The following FBLN5 variants were observed in gnomAD, a reference collection of about 807,000 sequenced individuals.
FBLN5 encodes fibulin-5.
FBLN5 carries 24 observed loss-of-function variants against 61.6 expected under a neutral mutation model. The observed-to-expected ratio is 0.39, with a 90% CI of 0.28 to 0.55. The LOEUF (loss-of-function observed/expected upper bound fraction) is 0.55. FBLN5 is among the 20% of genes least tolerant of loss of function. The pLI is 0.65. For missense variants in FBLN5, 470 were observed against 594.1 expected (o/e 0.79, Z 2.17); for synonymous variants, 213 against 219.8 (o/e 0.97, Z 0.27).
chr14:91,918,413 C>T (rs984158605), intron 4 of FBLN5, among the ~76,000 whole-genome samples: 1 of 152,006 alleles, frequency 6.6e-6, no homozygotes, highest in Non-Finnish European at 1.5e-5. Flanking sequence ...GGACTGGGGG[C>T]GGAAGGAGGA....
chr14:91,932,916 C>T (rs573381706), intron 4 of FBLN5, among the ~76,000 whole-genome samples: 3 of 152,348 alleles, frequency 2.0e-5, no homozygotes, highest in East Asian at 1.9e-4. Flanking sequence ...AACCAACAGA[C>T]AACAGGCTGC....
intron 9 of FBLN5, among the ~76,000 whole-genome samples, chr14:91,880,394 CAA>C (rs983330130): frequency 6.6e-6 from 1 of 152,218 alleles, no homozygotes; most frequent in African/African-American, 2.4e-5. Context: ...GTATCCAGAA[CAA>C]AGTCATTAGA....
intron 4 of FBLN5, among the ~76,000 whole-genome samples, chr14:91,935,843 TAAA>T (rs2056005670): frequency 6.6e-6 from 1 of 152,148 alleles, no homozygotes; most frequent in Non-Finnish European, 1.5e-5. Context: ...ACGTTTAAGG[TAAA>T]CATTAACCAG....
chr14:91,878,541 A>G (rs549856638), intron 9 of FBLN5, among the ~76,000 whole-genome samples: 12 of 152,288 alleles, frequency 7.9e-5, no homozygotes, highest in Non-Finnish European at 1.5e-4. Context: ...CTAGGAGTCA[A>G]CCTTGCTGTG....
At chr14:91,886,502 G>A (rs1889730209) in intron 7 of FBLN5, among the ~76,000 whole-genome samples, 1 of 152,108 alleles carries the variant, frequency 6.6e-6, no homozygotes, top group Non-Finnish European at 1.5e-5. Context: ...TTATAATAGA[G>A]TCCATAAACT....
chr14:91,891,621 T>G (rs913094297), intron 5 of FBLN5, among the ~76,000 whole-genome samples: 9 of 152,212 alleles, frequency 5.9e-5, no homozygotes, highest in Non-Finnish European at 8.8e-5. Context: ...ATTGGGATGT[T>G]GGGCAAAATG....
At chr14:91,917,887 G>T (rs2140018332) in intron 4 of FBLN5, among the ~76,000 whole-genome samples, 1 of 152,314 alleles carries the variant, frequency 6.6e-6, no homozygotes, top group African/African-American at 2.4e-5. Flanking sequence ...CCAGTCTAAA[G>T]TTGCCCTTCT....
At chr14:91,889,739 G>A (rs1379564269) in intron 6 of FBLN5, among the ~76,000 whole-genome samples, 6 of 152,222 alleles carry the variant, frequency 3.9e-5, no homozygotes, top group African/African-American at 1.4e-4. Flanking sequence ...CTGCCCATGG[G>A]CCCTGCTGAT....
intron 5 of FBLN5, among the ~76,000 whole-genome samples, chr14:91,894,422 A>AAAC (rs1555375903): frequency 1.8e-4 from 27 of 146,384 alleles, no homozygotes; most frequent in African/African-American, 6.3e-4. Flanking sequence ...AAAAAAAAAA[A>AAAC]AAAAACCGAA....
At chr14:91,940,664 A>C (rs766835180) in intron 2 of FBLN5, 48 bp from the exon 3 acceptor site, 1 of 1,545,018 alleles carries the variant, frequency 6.5e-7, no homozygotes, top group Non-Finnish European at 8.9e-7. Context: ...TTCACACCAT[A>C]AAAGTCTTAT....
At chr14:91,878,079 T>G in intron 9 of FBLN5, 1 of 408,398 alleles carries the variant, frequency 2.4e-6, no homozygotes, top group South Asian at 1.8e-5. Flanking sequence ...AAAGAAATTT[T>G]TAAAGTAAGA....
At chr14:91,905,380 A>G (rs927988730) in intron 4 of FBLN5, among the ~76,000 whole-genome samples, 3 of 152,126 alleles carry the variant, frequency 2.0e-5, no homozygotes, top group Non-Finnish European at 2.9e-5. Flanking sequence ...GAGGGCTGGG[A>G]ACACACAACA....
At chr14:91,935,932 G>A (rs1305622219) in intron 4 of FBLN5, among the ~76,000 whole-genome samples, 2 of 152,160 alleles carry the variant, frequency 1.3e-5, no homozygotes, top group African/African-American at 2.4e-5. Flanking sequence ...CAGCGAAAAT[G>A]CAGAAGTTTG....
At chr14:91,881,151 A>G (rs1889438174) in intron 9 of FBLN5, 141 bp downstream of exon 9, 4 of 756,846 alleles carry the variant, frequency 5.3e-6, no homozygotes, top group South Asian at 3.0e-5. Flanking sequence ...ACACACACAC[A>G]CACGCATGAG....
At chr14:91,885,765 G>A (rs757226719) in intron 7 of FBLN5, among the ~76,000 whole-genome samples, 1 of 152,322 alleles carries the variant, frequency 6.6e-6, no homozygotes, top group South Asian at 2.1e-4. Context: ...GGCAATAAAC[G>A]TCTGCGGATT....
At chr14:91,899,568 G>T (rs1473545078) in intron 4 of FBLN5, among the ~76,000 whole-genome samples, 1 of 152,200 alleles carries the variant, frequency 6.6e-6, no homozygotes, top group African/African-American at 2.4e-5. Flanking sequence ...TTCTCAATCT[G>T]AAACAACTGC....
chr14:91,917,946 A>AGTAC (rs1891265236), intron 4 of FBLN5, among the ~76,000 whole-genome samples: 1 of 152,220 alleles, frequency 6.6e-6, no homozygotes, highest in Non-Finnish European at 1.5e-5. Flanking sequence ...CAAGTGTGTA[A>AGTAC]GGTACAATGG....
intron 3 of FBLN5, chr14:91,939,890 C>T (rs1005933060): frequency 1.4e-5 from 6 of 443,846 alleles, no homozygotes; most frequent in South Asian, 3.2e-5. Flanking sequence ...TGGGTGGGCC[C>T]GATATATTCA....
intron 3 of FBLN5, among the ~76,000 whole-genome samples, chr14:91,939,294 C>T (rs1407492775): frequency 6.6e-6 from 1 of 151,438 alleles, no homozygotes; most frequent in East Asian, 1.9e-4. Flanking sequence ...TTCTTAGGAT[C>T]CTATTCATCT....
Sources: allele counts gnomAD v4.1 joint callset (sites outside exome capture counted in the v4.1 genomes callset), GRCh38; gene constraint gnomAD v4.1.1; transcripts MANE v1.5; gene names NCBI Gene and HGNC (gene_info 2026-07-23, HGNC 2026-07-21).